The following SFRP1 variants were observed in gnomAD, a reference collection of about 807,000 sequenced individuals.
SFRP1 encodes secreted frizzled related protein 1.
SFRP1 carries 9 observed loss-of-function variants against 25.9 expected under a neutral mutation model. The observed-to-expected ratio is 0.35, with a 90% CI of 0.21 to 0.61. SFRP1 has a LOEUF of 0.61. SFRP1 is among the 20% of genes least tolerant of loss of function. The pLI is 0.78. For missense variants in SFRP1, 346 were observed against 418.2 expected, an observed-to-expected ratio of 0.83 and a Z score of 1.51; for synonymous variants, 178 against 174.0, an observed-to-expected ratio of 1.02 and a Z score of -0.18.
At position 41,264,327 on chromosome 8, in the gene SFRP1, C is replaced by CT. The variant is rs1349278352; in HGVS notation, c.*839dup. ...GTTCTAAAATTTTTTTCATTTGTTT[C>CT]TTTTTTAACTATGTGTTTTGAAAAC... On this transcript the variant is annotated 3_prime_UTR_variant, in exon 3 of 3. Transcript: ENST00000220772. 6.6e-6 allele frequency: 1 copy of CT among 152,132 alleles called. No individual in the cohort carries two copies. Among genetic ancestry groups the CT allele is most frequent in the Non-Finnish European group, 1.5e-5 (1 of 68,012 alleles). The allele number at this position is 152,132 out of a possible 1,614,324, so 9.4% of individuals were successfully genotyped here.
intron 2 of SFRP1, among the ~76,000 whole-genome samples, chr8:41,284,430 A>ATTGCTGGAGG (rs1803673684): frequency 6.6e-6 from 1 of 151,562 alleles, no homozygotes; most frequent in Non-Finnish European, 1.5e-5. Flanking sequence ...CCCCTCCCAC[A>ATTGCTGGAGG]GCAAACCCCA....
In SFRP1 at chr8:41,303,987, A is replaced by G. The variant is rs75396609; in HGVS notation, c.545-449T>C. Among the ~76,000 whole-genome samples the G allele has an allele frequency of 7.0e-3, 1,071 of 152,026 alleles. 10 individuals are homozygous for G. The highest frequency in any genetic ancestry group is 0.024 in the African/African-American group (997 of 41,432). On this transcript the variant is annotated intron_variant, in intron 1 of 2. Transcript: ENST00000220772. ...CCCAGCTAGCCTGCTGATCCCTCTGACCAGGTCTCCAGGAGCCAAGAGAGA... is the reference window on the plus strand; with the variant it reads ...CCCAGCTAGCCTGCTGATCCCTCTGGCCAGGTCTCCAGGAGCCAAGAGAGA...
At chr8:41,303,309 C>G in intron 2 of SFRP1, 152 bp downstream of exon 2, 2 of 655,778 alleles carry the variant, frequency 3.0e-6, no homozygotes, top group Non-Finnish European at 2.8e-6. Context: ...TGTCTAGTCT[C>G]CCATCTGCCT....
chr8:41,280,241 T>C (rs1803619793), intron 2 of SFRP1, among the ~76,000 whole-genome samples: 1 of 152,150 alleles, frequency 6.6e-6, no homozygotes, highest in Non-Finnish European at 1.5e-5. Flanking sequence ...AGGCACACAA[T>C]CATCCAGTGA....
intron 2 of SFRP1, among the ~76,000 whole-genome samples, chr8:41,289,706 C>T (rs1244478197): frequency 6.6e-6 from 1 of 152,258 alleles, no homozygotes; most frequent in Admixed American, 6.5e-5. Flanking sequence ...GCTGCAAACA[C>T]TGAAACCTAA....
intron 2 of SFRP1, among the ~76,000 whole-genome samples, chr8:41,270,122 G>C (rs1214577867): frequency 6.6e-6 from 1 of 152,132 alleles, no homozygotes; most frequent in Non-Finnish European, 1.5e-5. Context: ...GGAGTGGTGA[G>C]GGCAAATTCC....
chr8:41,300,136 G>C (rs186952423), intron 2 of SFRP1, among the ~76,000 whole-genome samples: 1 of 152,328 alleles, frequency 6.6e-6, no homozygotes, highest in African/African-American at 2.4e-5. Flanking sequence ...AAGACATCCT[G>C]AAAGAAGTTG....
chr8:41,265,991 C>A (rs1297379929), intron 2 of SFRP1, among the ~76,000 whole-genome samples: 3 of 152,030 alleles, frequency 2.0e-5, no homozygotes, highest in Non-Finnish European at 4.4e-5. Flanking sequence ...CATGGTGAAA[C>A]CCCATCTCTA....
intron 1 of SFRP1, among the ~76,000 whole-genome samples, chr8:41,308,282 C>A (rs1804023196): frequency 6.6e-6 from 1 of 152,212 alleles, no homozygotes; most frequent in African/African-American, 2.4e-5. Context: ...TTATTTAAAG[C>A]GCAAGGCTTT....
intron 2 of SFRP1, among the ~76,000 whole-genome samples, chr8:41,294,939 T>C (rs1010998072): frequency 6.6e-6 from 1 of 152,128 alleles, no homozygotes; most frequent in Non-Finnish European, 1.5e-5. Flanking sequence ...CCCACAATCA[T>C]CTTTAAACTC....
chr8:41,292,695 T>C (rs1008985181), intron 2 of SFRP1, among the ~76,000 whole-genome samples: 11 of 152,218 alleles, frequency 7.2e-5, no homozygotes, highest in Admixed American at 5.2e-4. Context: ...TCTTTGGATG[T>C]TGATTCTAGT....
At chr8:41,270,377 T>C (rs1184268388) in intron 2 of SFRP1, among the ~76,000 whole-genome samples, 1 of 151,636 alleles carries the variant, frequency 6.6e-6, no homozygotes, top group African/African-American at 2.4e-5. Flanking sequence ...AGAAAGCAAA[T>C]GGATGGTAGA....
At chr8:41,268,824 G>C (rs142580889) in intron 2 of SFRP1, among the ~76,000 whole-genome samples, 20 of 152,312 alleles carry the variant, frequency 1.3e-4, no homozygotes, top group Admixed American at 2.0e-4. Context: ...GCCCGGAACT[G>C]ATCACCACCA....
At chr8:41,268,622 A>AAGG (rs1803464649) in intron 2 of SFRP1, among the ~76,000 whole-genome samples, 1 of 152,216 alleles carries the variant, frequency 6.6e-6, no homozygotes, top group Admixed American at 6.5e-5. Context: ...GCAGGAAAGA[A>AAGG]GGCACGTATG....
chr8:41,268,617 A>G (rs1803464542), intron 2 of SFRP1, among the ~76,000 whole-genome samples: 1 of 152,174 alleles, frequency 6.6e-6, no homozygotes, highest in South Asian at 2.1e-4. Context: ...GGAGAGCAGG[A>G]AAGAAGGCAC....
rs1804032046 is a variant in SFRP1, at chr8:41,308,819, CAGAGGA to C, written c.335_340del (p.Phe112_Leu113del). 3 of 1,610,454 alleles carry C rather than the reference CAGAGGA, an allele frequency of 1.9e-6. No individual in the cohort carries two copies. Among genetic ancestry groups the C allele is most frequent in the Non-Finnish European group, 2.5e-6 (3 of 1,179,158 alleles). On this transcript the variant is annotated inframe_deletion, in exon 1 of 3. Transcript: ENST00000220772. ...CAGGCAGACGGGCGCGAAGAGCGAG[CAGAGGA>C]AGACCTGGGTGCCGGCGTGGCAGTT...
intron 2 of SFRP1, among the ~76,000 whole-genome samples, chr8:41,293,915 A>G (rs2117508797): frequency 6.7e-6 from 1 of 149,136 alleles, no homozygotes; most frequent in African/African-American, 2.5e-5. Flanking sequence ...ATGTGCCACC[A>G]TATCTGGCTA....
intron 2 of SFRP1, among the ~76,000 whole-genome samples, chr8:41,302,857 T>C (rs1803942189): frequency 6.6e-6 from 1 of 151,616 alleles, no homozygotes; most frequent in East Asian, 2.0e-4. Context: ...TCTCTTTCGA[T>C]GGAGAGTGAC....
At chr8:41,306,994 G>A (rs1804006661) in intron 1 of SFRP1, 2 of 1,460,322 alleles carry the variant, frequency 1.4e-6, no homozygotes, top group Non-Finnish European at 1.8e-6. Context: ...CATGTCTGCA[G>A]ACGGTCCCAG....
Sources: allele counts gnomAD v4.1 joint callset (sites outside exome capture counted in the v4.1 genomes callset), GRCh38; gene constraint gnomAD v4.1.1; transcripts MANE v1.5; gene names NCBI Gene and HGNC (gene_info 2026-07-23, HGNC 2026-07-21).